The following PER3 variants were observed in gnomAD, a reference collection of about 807,000 sequenced individuals.
The protein encoded by PER3 is period circadian protein homolog 3.
PER3 carries 107 observed loss-of-function variants against 127.2 expected under a neutral mutation model. The ratio of observed to expected loss-of-function variants is 0.84; its 90% confidence interval spans 0.72 to 0.99. The LOEUF (loss-of-function observed/expected upper bound fraction) is 0.99, where lower values mean the gene tolerates loss of function less well. Among genes scored for constraint, PER3 ranks in the 50% least tolerant of loss-of-function variants. The pLI, the probability that PER3 is intolerant of heterozygous loss-of-function variation, is 0.00. For synonymous variants in PER3, 618 were observed against 585.8 expected, an observed-to-expected ratio of 1.05 and a Z score of -0.79; for missense variants, 1,560 against 1,525.8, an observed-to-expected ratio of 1.02 and a Z score of -0.37.
intron 6 of PER3, 111 bp downstream of exon 6, chr1:7,794,119 A>C: frequency 1.1e-6 from 1 of 888,940 alleles, no homozygotes; most frequent in Admixed American, 1.8e-5. Flanking sequence ...AGATACAAAA[A>C]ATAAGACTTG....
intron 3 of PER3, 50 bp downstream of exon 3, chr1:7,785,636 AC>A: frequency 6.6e-7 from 1 of 1,516,966 alleles, no homozygotes; most frequent in Non-Finnish European, 9.0e-7. Context: ...CAGGACTCAT[AC>A]AAGCAGCCAG....
intron 5 of PER3, among the ~76,000 whole-genome samples, chr1:7,793,303 T>C (rs1422293535): frequency 2.0e-5 from 3 of 152,200 alleles, no homozygotes; most frequent in Non-Finnish European, 4.4e-5. Context: ...TAGACATTTC[T>C]GAATTATCAC....
At chr1:7,805,228 T>C (rs2097187805) in intron 10 of PER3, among the ~76,000 whole-genome samples, 1 of 152,182 alleles carries the variant, frequency 6.6e-6, no homozygotes. Context: ...TTCCCTCTGA[T>C]GTCTATCTTT....
At chr1:7,818,508 C>T (rs35123409) in intron 13 of PER3, among the ~76,000 whole-genome samples, 15,336 of 152,206 alleles carry the variant, frequency 0.1, 1,163 homozygotes, top group Non-Finnish European at 0.15. Context: ...CATTCTTGGT[C>T]GCTGTGAGGC....
chr1:7,812,460 A>G (rs1020569240), intron 13 of PER3, among the ~76,000 whole-genome samples: 1 of 151,898 alleles, frequency 6.6e-6, no homozygotes, highest in Non-Finnish European at 1.5e-5. Context: ...CCCCGTCTCT[A>G]CTAAAAATAC....
In PER3 at chr1:7,806,840, A is replaced by ATATATATATATATAT. The variant is rs1553309980; in HGVS notation, c.1137-2051_1137-2050insTATATATATATATTA. ...ATATATATATATATATATATATTAC[A>ATATATATATATATAT]TACACACACACACATACATACACAA... is the stretch of plus-strand genomic sequence containing the variant. On this transcript the variant is annotated intron_variant, in intron 10 of 21. Coordinates refer to ENST00000377532, the MANE Select transcript of PER3 (RefSeq NM_001377275.1). 1.1e-4 allele frequency among the ~76,000 whole-genome samples: 13 copies of ATATATATATATATAT among 114,280 alleles called. No homozygotes were observed. The East Asian group carries it at 1.8e-3, about 15-fold the overall frequency. The allele number at this position is 114,280 out of a possible 152,430, so 75.0% of individuals were successfully genotyped here. A position where few individuals can be genotyped will look rare whatever the true frequency, so the allele number is the denominator to read the frequency against.
At chr1:7,802,348 C>T (rs1468897956) in intron 8 of PER3, among the ~76,000 whole-genome samples, 1 of 152,092 alleles carries the variant, frequency 6.6e-6, no homozygotes, top group African/African-American at 2.4e-5. Context: ...CTGCAACCTC[C>T]ACCTCCCTGG....
At chr1:7,793,110 A>C (rs1558389326) in intron 5 of PER3, among the ~76,000 whole-genome samples, 1 of 152,176 alleles carries the variant, frequency 6.6e-6, no homozygotes, top group Non-Finnish European at 1.5e-5. Context: ...TTCACTGTTT[A>C]TGCTACCTTC....
intron 21 of PER3, among the ~76,000 whole-genome samples, chr1:7,838,352 A>G (rs1207218301): frequency 6.6e-6 from 1 of 152,094 alleles, no homozygotes; most frequent in South Asian, 2.1e-4. Context: ...TACCCATTTA[A>G]CAATAACTTC....
Position 7,788,117 on chromosome 1 carries a change from C to G in PER3, c.463C>G (p.Leu155Val), listed in dbSNP as rs1244062200. ...CATTTCTGAACAGGCTGCTTTGATC[C>G]TGAATCGTAAGAAAGATGTCCTGGC... Reference protein sequence around the residue: ...VHISEQAALILNRKKDVLASS... With the variant: ...VHISEQAALIVNRKKDVLASS... The change falls in exon 5 of 22, where the codon CTG becomes GTG. Residue 155 changes from leucine to valine, a missense_variant. Leu to Val is a conservative substitution (Grantham distance 32). Coordinates refer to ENST00000377532, the MANE Select transcript of PER3 (RefSeq NM_001377275.1). The G allele has an allele frequency of 6.2e-7, 1 of 1,613,904 alleles. No homozygotes were observed.
Position 7,843,752 on chromosome 1 carries a change from A to T in PER3, c.*997A>T, listed in dbSNP as rs1236669681. ...TGTTGTGGGGACTGCAAAAGAGAAA[A>T]CGTCCAGGCGAGCCCAGTTGTCCTC... On this transcript the variant is annotated 3_prime_UTR_variant, in exon 22 of 22. Coordinates refer to ENST00000377532, the MANE Select transcript of PER3 (RefSeq NM_001377275.1). The T allele has an allele frequency of 1.2e-5, 3 of 240,388 alleles. No homozygotes were observed. Among genetic ancestry groups the T allele is most frequent in the Non-Finnish European group, 2.3e-5 (3 of 132,884 alleles). 14.9% of individuals were successfully genotyped at this position (240,388 alleles called of 1,614,324 possible).
intron 6 of PER3, among the ~76,000 whole-genome samples, chr1:7,798,195 C>T (rs1279104135): frequency 6.6e-6 from 1 of 152,188 alleles, no homozygotes; most frequent in Non-Finnish European, 1.5e-5. Flanking sequence ...TGAAATGAGA[C>T]AGTTATGCTT....
intron 4 of PER3, chr1:7,787,226 C>A: frequency 2.2e-6 from 2 of 909,992 alleles, no homozygotes; most frequent in Non-Finnish European, 2.7e-6. Context: ...CAAGTTGTAA[C>A]AACTGGATGT....
chr1:7,794,498 AAT>A (rs2097136306), intron 6 of PER3, among the ~76,000 whole-genome samples: 1 of 152,194 alleles, frequency 6.6e-6, no homozygotes, highest in Non-Finnish European at 1.5e-5. Flanking sequence ...TCTCAAAAAA[AAT>A]AAAAATAAAT....
rs188693262 is a variant in PER3 at position 7,796,191 on chromosome 1, T to C, written c.644+2183T>C. 1.4e-4 allele frequency among the ~76,000 whole-genome samples: 22 copies of C among 152,306 alleles called. No individual in the cohort carries two copies. In the South Asian group the frequency reaches 2.7e-3, roughly 19 times the overall value. The stretch of plus-strand genomic sequence containing the variant: ...CATTTCTCTAAGGATCCCTGGTTCC[T>C]TTTGGTGGGAAATGGCATTCACATT... On this transcript the variant is annotated intron_variant, in intron 6 of 21. Coordinates refer to ENST00000377532, the MANE Select transcript of PER3 (RefSeq NM_001377275.1).
chr1:7,838,868 G>T (rs1382609388), intron 21 of PER3, among the ~76,000 whole-genome samples: 3 of 152,134 alleles, frequency 2.0e-5, no homozygotes, highest in African/African-American at 7.2e-5. Flanking sequence ...GCATATATCT[G>T]AATAGTGCCT....
chr1:7,799,727 G>A (rs1295979234), intron 7 of PER3, among the ~76,000 whole-genome samples: 2 of 151,904 alleles, frequency 1.3e-5, no homozygotes, highest in Non-Finnish European at 2.9e-5. Context: ...GCAGGTAGAT[G>A]TTTGAGGTGT....
chr1:7,803,992 A>T, intron 10 of PER3, 144 bp downstream of exon 10: 1 of 638,806 alleles, frequency 1.6e-6, no homozygotes. Context: ...AGACAGTTTG[A>T]CAGTGTGTAC....
intron 6 of PER3, among the ~76,000 whole-genome samples, chr1:7,794,430 T>C (rs1417309832): frequency 6.6e-6 from 1 of 151,894 alleles, no homozygotes; most frequent in Non-Finnish European, 1.5e-5. Flanking sequence ...GAGGTGGAGG[T>C]TGCAGTGAGC....
Sources: gnomAD v4.1 joint callset for allele counts (sites outside exome capture counted in the v4.1 genomes callset) on GRCh38, gnomAD v4.1.1 for gene constraint, MANE v1.5 for transcripts, NCBI Gene and HGNC (gene_info 2026-07-23, HGNC 2026-07-21) for gene names.